The following PIWIL3 variants were observed in gnomAD, a reference collection of about 807,000 sequenced individuals.
PIWIL3 encodes the protein piwi like RNA-mediated gene silencing 3.
PIWIL3 carries 101 observed loss-of-function variants against 109.7 expected under a neutral mutation model. The ratio of observed to expected loss-of-function variants is 0.92; its 90% CI spans 0.78 to 1.09. The LOEUF is 1.09. Ranked by LOEUF, PIWIL3 falls within the 50% of genes least tolerant of loss-of-function variation. The probability of loss-of-function intolerance (pLI) is 0.00; values close to 1 mark genes in which losing one functional copy is unlikely to be tolerated. For synonymous variants in PIWIL3, 373 were observed against 376.4 expected (o/e 0.99, Z 0.10); for missense variants, 1,031 against 1,072.6 (o/e 0.96, Z 0.54).
intron 1 of PIWIL3, among the ~76,000 whole-genome samples, chr22:24,769,033 A>G (rs1257521469): frequency 6.6e-6 from 1 of 152,150 alleles, no homozygotes; most frequent in Non-Finnish European, 1.5e-5. Flanking sequence ...AACGAGGCCA[A>G]CTATACAGTC....
At chr22:24,748,050 T>C (rs1924475751) in intron 12 of PIWIL3, among the ~76,000 whole-genome samples, 1 of 152,106 alleles carries the variant, frequency 6.6e-6, no homozygotes, top group Non-Finnish European at 1.5e-5. Flanking sequence ...AACAGATAAA[T>C]GGATGAAGAA....
chr22:24,762,571 T>A, intron 1 of PIWIL3, 50 bp from the exon 2 acceptor site: 1 of 1,443,402 alleles, frequency 6.9e-7, no homozygotes. Flanking sequence ...CCTGGTGTCT[T>A]ACTCTCTTTA....
chr22:24,728,361 A>C lies in PIWIL3; in HGVS notation c.1721T>G (p.Leu574Arg). Residue 574 changes from leucine (L) to arginine (R), a missense_variant, in exon 15 of 21, where the codon CTG (leucine) becomes CGG (arginine). Physicochemically the swap from Leu to Arg is moderately radical, Grantham distance 102. Coordinates refer to ENST00000616349, the MANE Select transcript of PIWIL3 (RefSeq NM_001255975.1). ...ATATCTACGTTTGTCATCATTGGGCAGGATACAAATCACCTTGAAAACCAG... is the reference window on the plus strand; with the variant it reads ...ATATCTACGTTTGTCATCATTGGGCCGGATACAAATCACCTTGAAAACCAG... Reference protein sequence around the residue: ...RPTLQMVICILPNDDKRRYDS... With the variant: ...RPTLQMVICIRPNDDKRRYDS... The C allele has an allele frequency of 6.2e-7, 1 of 1,614,204 alleles. No individual in the cohort carries two copies. Among genetic ancestry groups the C allele is most frequent in the Non-Finnish European group, 8.5e-7 (1 of 1,180,028 alleles).
At chr22:24,770,674 A>AC (rs1569115157) in intron 1 of PIWIL3, among the ~76,000 whole-genome samples, 3 of 135,426 alleles carry the variant, frequency 2.2e-5, no homozygotes, top group African/African-American at 5.4e-5. Flanking sequence ...AAAAAAAAAA[A>AC]AAAAACAAAA....
rs368907664 is a variant in PIWIL3 at position 24,758,043 on chromosome 22, C to T, written c.224-4G>A. ...TCAGGTCCAGGTTCCTTCACCCCTG[C>T]ATAAATGTAAACGCCAGAAGTTTAA... On this transcript the variant is annotated splice_polypyrimidine_tract_variant and splice_region_variant and intron_variant, in intron 3 of 20. Transcript: ENST00000616349. The T allele has an allele frequency of 1.9e-5, 30 of 1,601,428 alleles. No homozygotes were observed. In the African/African-American group the frequency reaches 3.8e-4, roughly 20 times the overall value.
chr22:24,751,120 A>G (rs1217590095), intron 9 of PIWIL3, among the ~76,000 whole-genome samples: 1 of 151,690 alleles, frequency 6.6e-6, no homozygotes, highest in East Asian at 2.0e-4. Flanking sequence ...CGAGACTCCA[A>G]CTCAAAAAAA....
At chr22:24,759,688 G>A (rs1925296853) in intron 3 of PIWIL3, among the ~76,000 whole-genome samples, 181 bp downstream of exon 3, 1 of 152,196 alleles carries the variant, frequency 6.6e-6, no homozygotes, top group African/African-American at 2.4e-5. Context: ...TAAGACACAA[G>A]GTGAAGAAAA....
At chr22:24,737,982 C>G (rs530376413) in intron 12 of PIWIL3, among the ~76,000 whole-genome samples, 1 of 152,034 alleles carries the variant, frequency 6.6e-6, no homozygotes, top group Non-Finnish European at 1.5e-5. Context: ...GAAACCCCGT[C>G]TTCTACTAAA....
rs1922775216 is a variant in PIWIL3, at chr22:24,723,157, A to G, written c.2330T>C (p.Ile777Thr). ...TTCATTCCTAGTCAACTCTACATCA[A>G]TAACTGTTCCTGGAGGTGGATTTTG... ...NFQNPPPGTV[I>T]DVELTRNEWY... The change falls in exon 19 of 21, where the codon ATT becomes ACT. Residue 777 changes from isoleucine to threonine, a missense_variant. Ile to Thr is a moderately conservative substitution (Grantham distance 89, BLOSUM62 -1). Coordinates refer to ENST00000616349, the MANE Select transcript of PIWIL3 (RefSeq NM_001255975.1). 7 of 1,613,452 alleles carry G rather than the reference A, an allele frequency of 4.3e-6. No homozygotes were observed. The highest frequency in any genetic ancestry group is 1.1e-5 in the South Asian group (1 of 91,080).
chr22:24,746,009 C>T (rs1185898094), intron 12 of PIWIL3, among the ~76,000 whole-genome samples: 2 of 152,180 alleles, frequency 1.3e-5, no homozygotes, highest in East Asian at 1.9e-4. Context: ...CGCTTCACTG[C>T]TGAATTCTGC....
chr22:24,758,676 A>G (rs1417151081), intron 3 of PIWIL3, among the ~76,000 whole-genome samples: 1 of 152,186 alleles, frequency 6.6e-6, no homozygotes, highest in African/African-American at 2.4e-5. Flanking sequence ...TTGCCTCAAA[A>G]TTTTACTTCT....
At chr22:24,722,208 G>T (rs988780942) in intron 19 of PIWIL3, among the ~76,000 whole-genome samples, 9 of 152,070 alleles carry the variant, frequency 5.9e-5, no homozygotes, top group Admixed American at 5.9e-4. Flanking sequence ...TCAGCCTCCT[G>T]CCTAGCTGGG....
chr22:24,744,037 AAAGG>A (rs1450456926), intron 12 of PIWIL3, among the ~76,000 whole-genome samples: 2 of 151,912 alleles, frequency 1.3e-5, no homozygotes, highest in Admixed American at 6.6e-5. Flanking sequence ...ACCTTCACTA[AAAGG>A]AAGGCAGGAA....
rs766864336 is a variant in PIWIL3, at chr22:24,759,989, T to C, written c.103A>G (p.Thr35Ala). ...GGPRAPGSAT[T>A]QEPPQLQSTP... The stretch of plus-strand genomic sequence containing the variant: ...GACTGCAACTGAGGGGGCTCCTGGG[T>C]CTGCATGTTTTTGGAAATAGAAATA... Residue 35 changes from threonine to alanine, a missense_variant and splice_region_variant, in exon 3 of 21, where the codon ACC becomes GCC. Transcript: ENST00000616349. 5.6e-6 allele frequency: 9 copies of C among 1,613,676 alleles called. No individual in the cohort carries two copies. In the South Asian group the frequency reaches 7.7e-5, roughly 14 times the overall value.
chr22:24,733,475 G>A (rs1923474385), intron 14 of PIWIL3, among the ~76,000 whole-genome samples: 1 of 152,156 alleles, frequency 6.6e-6, no homozygotes, highest in African/African-American at 2.4e-5. Context: ...CAGATCACTG[G>A]AGGTCAGGAG....
chr22:24,757,498 A>T (rs920902061), intron 4 of PIWIL3, among the ~76,000 whole-genome samples: 2 of 152,062 alleles, frequency 1.3e-5, no homozygotes, highest in African/African-American at 2.4e-5. Context: ...TCGAAAGTTT[A>T]AAATGGGCCA....
chr22:24,732,139 T>C (rs1601827572), intron 14 of PIWIL3, among the ~76,000 whole-genome samples: 1 of 152,222 alleles, frequency 6.6e-6, no homozygotes, highest in East Asian at 1.9e-4. Context: ...ACAACATAAA[T>C]ATGTGGCCTG....
intron 14 of PIWIL3, among the ~76,000 whole-genome samples, chr22:24,729,868 G>T (rs1253316974): frequency 6.6e-6 from 1 of 150,718 alleles, no homozygotes; most frequent in African/African-American, 2.4e-5. Flanking sequence ...CTGGCATATA[G>T]TAGCTTTTGG....
At chr22:24,735,365 A>G (rs1923599225) in intron 13 of PIWIL3, among the ~76,000 whole-genome samples, 1 of 152,176 alleles carries the variant, frequency 6.6e-6, no homozygotes, top group African/African-American at 2.4e-5. Context: ...TGGGGGCAGG[A>G]TATATATGAG....
Sources: gnomAD v4.1 joint callset for allele counts (sites outside exome capture counted in the v4.1 genomes callset) on GRCh38, gnomAD v4.1.1 for gene constraint, MANE v1.5 for transcripts, NCBI Gene and HGNC (gene_info 2026-07-23, HGNC 2026-07-21) for gene names.